Variants in CADM2 observed in about 807,000 individuals in gnomAD.
The protein encoded by CADM2 is immunoglobulin superfamily member 4D.
A neutral mutation model predicts 49.8 loss-of-function variants in CADM2; 12 were observed. The observed-to-expected ratio is 0.24, with a 90% CI of 0.15 to 0.39. The LOEUF (loss-of-function observed/expected upper bound fraction) is 0.39. Ranked by LOEUF, CADM2 falls within the 10% of genes least tolerant of loss-of-function variation. CADM2 has a pLI of 1.00. For synonymous variants in CADM2, 214 were observed against 175.4 expected, an observed-to-expected ratio of 1.22 and a Z score of -1.74; for missense variants, 378 against 492.3, an observed-to-expected ratio of 0.77 and a Z score of 2.20.
At chr3:85,511,689 C>A (rs1364285059) in intron 1 of CADM2, among the ~76,000 whole-genome samples, 1 of 152,036 alleles carries the variant, frequency 6.6e-6, no homozygotes, top group Non-Finnish European at 1.5e-5. Flanking sequence ...TTGGAAACAA[C>A]ATTCCATTTG....
intron 1 of CADM2, among the ~76,000 whole-genome samples, chr3:85,383,503 C>CATATATATATATATATATATATATAT (rs1241135851): frequency 9.2e-5 from 10 of 109,240 alleles, no homozygotes; most frequent in South Asian, 2.9e-4. Context: ...TACATAAAAC[C>CATATATATATATATATATATATATAT]ATATATATAT....
At chr3:85,694,332 C>T (rs2066484621) in intron 1 of CADM2, among the ~76,000 whole-genome samples, 1 of 152,162 alleles carries the variant, frequency 6.6e-6, no homozygotes, top group Non-Finnish European at 1.5e-5. Flanking sequence ...TGGAATAGGA[C>T]TTCCTTGTAA....
chr3:85,587,103 A>G (rs1232864692), intron 1 of CADM2, among the ~76,000 whole-genome samples: 1 of 152,104 alleles, frequency 6.6e-6, no homozygotes, highest in Non-Finnish European at 1.5e-5. Context: ...CTAATTTGCA[A>G]AATGGGTATA....
intron 1 of CADM2, among the ~76,000 whole-genome samples, chr3:85,436,482 C>G (rs1203823028): frequency 6.6e-6 from 1 of 152,062 alleles, no homozygotes; most frequent in Non-Finnish European, 1.5e-5. Context: ...GCATCCTTGT[C>G]TTGTGCCGGT....
At chr3:85,888,511 G>A (rs1380561376) in intron 5 of CADM2, among the ~76,000 whole-genome samples, 1 of 152,176 alleles carries the variant, frequency 6.6e-6, no homozygotes, top group African/African-American at 2.4e-5. Context: ...ATGCAGTACT[G>A]AAAACTTGTG....
chr3:85,498,956 G>A (rs1444768658), intron 1 of CADM2, among the ~76,000 whole-genome samples: 4 of 152,066 alleles, frequency 2.6e-5, no homozygotes, highest in Non-Finnish European at 4.4e-5. Flanking sequence ...ATTGACATTT[G>A]CGTAATGTTT....
At chr3:85,187,328 T>C (rs2041088336) in intron 1 of CADM2, among the ~76,000 whole-genome samples, 1 of 152,168 alleles carries the variant, frequency 6.6e-6, no homozygotes, top group Admixed American at 6.5e-5. Context: ...TTTGAATCTC[T>C]ATACATTGAA....
intron 1 of CADM2, among the ~76,000 whole-genome samples, chr3:85,444,127 C>A (rs1174460228): frequency 1.3e-5 from 2 of 152,078 alleles, no homozygotes; most frequent in African/African-American, 4.8e-5. Flanking sequence ...TATATTGTTT[C>A]TGATTATATT....
intron 8 of CADM2, among the ~76,000 whole-genome samples, chr3:86,039,990 C>T (rs1735661310): frequency 1.3e-5 from 2 of 152,150 alleles, no homozygotes; most frequent in African/African-American, 4.8e-5. Flanking sequence ...AGTGGACCTC[C>T]AGCAAACTCC....
intron 8 of CADM2, among the ~76,000 whole-genome samples, chr3:85,973,781 C>A (rs72912409): frequency 0.039 from 5,868 of 151,770 alleles, 377 homozygotes; most frequent in African/African-American, 0.13. Context: ...CCTCCCATAG[C>A]AGTATGTCAT....
At chr3:85,105,782 A>G (rs1250537720) in intron 1 of CADM2, among the ~76,000 whole-genome samples, 3 of 152,202 alleles carry the variant, frequency 2.0e-5, no homozygotes, top group African/African-American at 7.2e-5. Flanking sequence ...TGATGAGTTC[A>G]TGTCCTTTGT....
At chr3:85,592,925 A>G (rs1185320775) in intron 1 of CADM2, among the ~76,000 whole-genome samples, 3 of 151,754 alleles carry the variant, frequency 2.0e-5, no homozygotes, top group African/African-American at 7.3e-5. Flanking sequence ...TCATTGTTCA[A>G]TTCCCACTTA....
chr3:85,924,450 A>G lies in CADM2; in HGVS notation c.701-11317A>G, dbSNP rs143150368. ...TACAAAAAATACAAAATAATTAGCC[A>G]TGAGTGGTGGCGTGTTCCTGTAGCC... On this transcript the variant is annotated intron_variant, in intron 6 of 9. Transcript: ENST00000383699. Among the ~76,000 whole-genome samples the G allele has an allele frequency of 3.9e-4, 60 of 152,008 alleles. No individual in the cohort carries two copies. The East Asian group carries it at 0.011, about 28-fold the overall frequency.
chr3:85,465,459 A>T lies in CADM2; in HGVS notation c.62-261063A>T, dbSNP rs1193029093. Among the ~76,000 whole-genome samples, 2 of 152,312 alleles carry T rather than the reference A, an allele frequency of 1.3e-5. 1 individual carries two copies. Among genetic ancestry groups the T allele is most frequent in the East Asian group, 3.9e-4 (2 of 5,174 alleles). On this transcript the variant is annotated intron_variant, in intron 1 of 9. Coordinates refer to ENST00000383699, the MANE Select transcript of CADM2 (RefSeq NM_001167675.2). ...ACGAACACATATTATGTATAAGTATACAACATTTTGTTCATAAGACCTTTT... is the reference window on the plus strand; with the variant it reads ...ACGAACACATATTATGTATAAGTATTCAACATTTTGTTCATAAGACCTTTT...
intron 1 of CADM2, among the ~76,000 whole-genome samples, chr3:85,324,574 A>G (rs2044699172): frequency 6.6e-6 from 1 of 152,178 alleles, no homozygotes; most frequent in South Asian, 2.1e-4. Context: ...TATATATTCT[A>G]TAACTAAACA....
intron 1 of CADM2, among the ~76,000 whole-genome samples, chr3:85,652,097 G>A (rs1189227242): frequency 2.0e-5 from 3 of 151,456 alleles, no homozygotes; most frequent in Non-Finnish European, 4.4e-5. Context: ...GATTACAGGC[G>A]TGAGCCACTG....
intron 1 of CADM2, among the ~76,000 whole-genome samples, chr3:85,531,070 T>G (rs1330101809): frequency 1.3e-5 from 2 of 152,172 alleles, no homozygotes; most frequent in African/African-American, 2.4e-5. Context: ...ACCTTCAGTT[T>G]CCATTCACGA....
chr3:85,538,102 ATATTGCCATTTTTGTC>A (rs1320820067), intron 1 of CADM2, among the ~76,000 whole-genome samples: 1 of 152,154 alleles, frequency 6.6e-6, no homozygotes, highest in Admixed American at 6.6e-5. Context: ...ATTTGCTTTA[ATATTGCCATTTTTGTC>A]TATAGTACAT....
chr3:85,294,282 A>G (rs1308774004), intron 1 of CADM2, among the ~76,000 whole-genome samples: 3 of 152,202 alleles, frequency 2.0e-5, no homozygotes, highest in Non-Finnish European at 4.4e-5. Flanking sequence ...GCTCAAGGAA[A>G]TAAAAGAGGA....
Sources: allele counts gnomAD v4.1 joint callset (sites outside exome capture counted in the v4.1 genomes callset), GRCh38; gene constraint gnomAD v4.1.1; transcripts MANE v1.5; gene names NCBI Gene and HGNC (gene_info 2026-07-23, HGNC 2026-07-21).